The following MIPOL1 variants were observed in gnomAD, a reference collection of about 807,000 sequenced individuals.
MIPOL1 encodes the protein mirror-image polydactyly gene 1 protein.
A neutral mutation model predicts 60.9 loss-of-function variants in MIPOL1; 57 were observed. That is an observed-to-expected ratio of 0.94 (90% CI 0.76 to 1.17). The LOEUF (loss-of-function observed/expected upper bound fraction) is 1.17. Among genes scored for constraint, MIPOL1 ranks in the 50% most tolerant of loss-of-function variants. MIPOL1 has a pLI of 0.00. For missense variants in MIPOL1, 551 were observed against 511.6 expected, an observed-to-expected ratio of 1.08 and a Z score of -0.74; for synonymous variants, 179 against 168.8, an observed-to-expected ratio of 1.06 and a Z score of -0.47.
At chr14:37,425,668 T>C (rs2093948670) in intron 11 of MIPOL1, among the ~76,000 whole-genome samples, 1 of 152,216 alleles carries the variant, frequency 6.6e-6, no homozygotes, top group South Asian at 2.1e-4. Flanking sequence ...GTTTGGTTTA[T>C]TGTTATTGAT....
chr14:37,233,539 T>C (rs560744610), intron 1 of MIPOL1, among the ~76,000 whole-genome samples: 3 of 152,198 alleles, frequency 2.0e-5, no homozygotes, highest in African/African-American at 7.2e-5. Context: ...AATTTAACCA[T>C]GTCAGTGCGG....
intron 11 of MIPOL1, among the ~76,000 whole-genome samples, chr14:37,496,974 A>G (rs1260275112): frequency 1.3e-5 from 2 of 151,600 alleles, no homozygotes; most frequent in Admixed American, 1.3e-4. Flanking sequence ...ATGGAACAGA[A>G]CAGAGCCCTC....
intron 1 of MIPOL1, among the ~76,000 whole-genome samples, chr14:37,228,327 T>A (rs1970073006): frequency 8.4e-6 from 1 of 118,976 alleles, no homozygotes; most frequent in African/African-American, 6.3e-5. Flanking sequence ...TTTCTTTTCT[T>A]TTTTTTTTTT....
At chr14:37,415,248 A>G (rs1233172659) in intron 10 of MIPOL1, among the ~76,000 whole-genome samples, 1 of 152,162 alleles carries the variant, frequency 6.6e-6, no homozygotes, top group Admixed American at 6.5e-5. Flanking sequence ...AAAATAAACT[A>G]TATGAGTTAT....
At chr14:37,370,324 C>T (rs1245612285) in intron 10 of MIPOL1, among the ~76,000 whole-genome samples, 1 of 151,994 alleles carries the variant, frequency 6.6e-6, no homozygotes, top group Non-Finnish European at 1.5e-5. Context: ...AGTATAGTGC[C>T]TGTACACAGT....
intron 9 of MIPOL1, among the ~76,000 whole-genome samples, chr14:37,358,213 C>T (rs1328455994): frequency 6.6e-6 from 1 of 152,110 alleles, no homozygotes; most frequent in East Asian, 1.9e-4. Context: ...TGTATATGTG[C>T]CACATTTTCT....
chr14:37,307,917 T>C (rs1891994784), intron 7 of MIPOL1, 139 bp from the exon 8 acceptor site: 3 of 654,854 alleles, frequency 4.6e-6, no homozygotes, highest in South Asian at 2.1e-5. Flanking sequence ...GGTGGCACTT[T>C]AATATGTTCA....
At chr14:37,297,602 C>T (rs964828391) in intron 7 of MIPOL1, among the ~76,000 whole-genome samples, 7 of 152,166 alleles carry the variant, frequency 4.6e-5, no homozygotes, top group African/African-American at 1.7e-4. Context: ...GCAACTTCAG[C>T]AAAGTCTCAG....
At chr14:37,294,241 T>C (rs1053482479) in intron 7 of MIPOL1, among the ~76,000 whole-genome samples, 1 of 152,136 alleles carries the variant, frequency 6.6e-6, no homozygotes, top group Non-Finnish European at 1.5e-5. Context: ...GACCTGCAGC[T>C]CAGGGTCCTG....
intron 11 of MIPOL1, among the ~76,000 whole-genome samples, chr14:37,438,014 G>GTTAA (rs1453512510): frequency 1.3e-5 from 2 of 151,960 alleles, no homozygotes; most frequent in Admixed American, 1.3e-4. Flanking sequence ...TTTCGCTGTA[G>GTTAA]TTAAGATGGT....
chr14:37,285,376 A>G lies in MIPOL1; in HGVS notation c.552A>G (p.Arg184=). 6.2e-7 allele frequency: 1 copy of G among 1,614,024 alleles called. No individual in the cohort carries two copies. The change falls in exon 7 of 13, where the codon AGA becomes AGG. Residue 184 remains arginine (R), a synonymous_variant. Transcript: ENST00000684589. ...QKERDEAVMS[R]LQLAIEERDE... ...AACGTGATGAAGCTGTTATGTCTAG[A>G]CTGCAATTAGCCATTGAGGAGAGAG...
At chr14:37,491,464 G>A (rs923773128) in intron 11 of MIPOL1, among the ~76,000 whole-genome samples, 7 of 152,166 alleles carry the variant, frequency 4.6e-5, no homozygotes, top group South Asian at 2.1e-4. Flanking sequence ...CAGAGGTGAA[G>A]GTTGCAGTGA....
At chr14:37,231,594 G>A (rs1307811869) in intron 1 of MIPOL1, among the ~76,000 whole-genome samples, 3 of 152,028 alleles carry the variant, frequency 2.0e-5, no homozygotes, top group African/African-American at 7.2e-5. Flanking sequence ...TATCAGGTGT[G>A]TTTGTTCTCA....
chr14:37,422,806 A>G (rs767722166), intron 10 of MIPOL1, 49 bp from the exon 11 acceptor site: 1 of 1,274,892 alleles, frequency 7.8e-7, no homozygotes, highest in Non-Finnish European at 1.1e-6. Context: ...ACTGTATTTT[A>G]TCATACCAAA....
chr14:37,389,673 T>C (rs1391531015), intron 10 of MIPOL1, among the ~76,000 whole-genome samples: 2 of 149,740 alleles, frequency 1.3e-5, no homozygotes, highest in African/African-American at 4.9e-5. Context: ...CACTTTTATC[T>C]CGTAGGCATG....
Position 37,474,439 on chromosome 14 carries a change from G to A in MIPOL1, c.1032-25469G>A, listed in dbSNP as rs190259823. Among the ~76,000 whole-genome samples the A allele has an allele frequency of 2.0e-3, 308 of 152,224 alleles. 1 individual carries two copies. Among genetic ancestry groups the A allele is most frequent in the Non-Finnish European group, 3.3e-3 (224 of 68,016 alleles). The stretch of plus-strand genomic sequence containing the variant: ...AGCGGATTTTTACCATGGTGTTCTC[G>A]TGATAGTGAATAAGTCTCATGAGAT... On this transcript the variant is annotated intron_variant, in intron 11 of 12. Transcript: ENST00000684589.
intron 1 of MIPOL1, among the ~76,000 whole-genome samples, chr14:37,214,816 T>C (rs915938329): frequency 1.2e-4 from 19 of 152,108 alleles, no homozygotes; most frequent in African/African-American, 4.1e-4. Context: ...AAGCGGACCG[T>C]GGTCTAGCGG....
intron 9 of MIPOL1, among the ~76,000 whole-genome samples, chr14:37,313,558 T>C (rs1326669482): frequency 6.6e-6 from 1 of 152,098 alleles, no homozygotes; most frequent in Non-Finnish European, 1.5e-5. Flanking sequence ...TGGGGGTAAC[T>C]GTATGGACTT....
At chr14:37,353,967 C>G (rs1053292411) in intron 9 of MIPOL1, among the ~76,000 whole-genome samples, 27 of 151,860 alleles carry the variant, frequency 1.8e-4, no homozygotes, top group South Asian at 6.2e-4. Flanking sequence ...TGTGTTTGCT[C>G]TTGCTTTTCT....
Sources: gnomAD v4.1 joint callset for allele counts (sites outside exome capture counted in the v4.1 genomes callset) on GRCh38, gnomAD v4.1.1 for gene constraint, MANE v1.5 for transcripts, NCBI Gene and HGNC (gene_info 2026-07-23, HGNC 2026-07-21) for gene names.